Variants in GFRAL observed in about 807,000 individuals in gnomAD.
GFRAL encodes the protein GDNF family receptor alpha like.
GFRAL carries 36 observed loss-of-function variants against 45.4 expected under a neutral mutation model. The observed-to-expected ratio is 0.79, with a 90% CI of 0.61 to 1.05. The LOEUF (loss-of-function observed/expected upper bound fraction) is 1.05. Ranked by LOEUF, GFRAL falls within the 50% of genes least tolerant of loss-of-function variation. The pLI is 0.00. For synonymous variants in GFRAL, 166 were observed against 154.1 expected, an observed-to-expected ratio of 1.08 and a Z score of -0.57; for missense variants, 507 against 467.5, an observed-to-expected ratio of 1.08 and a Z score of -0.78.
intron 3 of GFRAL, among the ~76,000 whole-genome samples, chr6:55,334,193 A>T (rs943081283): frequency 5.9e-5 from 9 of 152,166 alleles, no homozygotes; most frequent in African/African-American, 2.2e-4. Context: ...AGTGCACGAC[A>T]TACTTCTTTC....
chr6:55,374,475 GC>G (rs1276937306), intron 6 of GFRAL, among the ~76,000 whole-genome samples: 1 of 151,886 alleles, frequency 6.6e-6, no homozygotes, highest in Non-Finnish European at 1.5e-5. Context: ...TAATAGTGTT[GC>G]TTGTTTTTTT....
At chr6:55,397,783 G>A (rs1044370043) in intron 6 of GFRAL, among the ~76,000 whole-genome samples, 1 of 152,164 alleles carries the variant, frequency 6.6e-6, no homozygotes, top group African/African-American at 2.4e-5. Flanking sequence ...AGAGATAACT[G>A]AATGGAACAT....
At chr6:55,374,808 T>C (rs1768502021) in intron 6 of GFRAL, among the ~76,000 whole-genome samples, 1 of 152,124 alleles carries the variant, frequency 6.6e-6, no homozygotes. Flanking sequence ...GTATATGGTG[T>C]AAGGAAGGGA....
chr6:55,398,126 T>C (rs1209797615), intron 6 of GFRAL, among the ~76,000 whole-genome samples: 1 of 152,216 alleles, frequency 6.6e-6, no homozygotes, highest in Non-Finnish European at 1.5e-5. Context: ...TTTCAGTGCA[T>C]ATCCCCATCA....
At chr6:55,375,171 T>C (rs1196846384) in intron 6 of GFRAL, among the ~76,000 whole-genome samples, 1 of 152,140 alleles carries the variant, frequency 6.6e-6, no homozygotes, top group African/African-American at 2.4e-5. Context: ...ATGTCAATGG[T>C]AGTTTAATGG....
intron 6 of GFRAL, among the ~76,000 whole-genome samples, chr6:55,391,604 G>A (rs1230599978): frequency 6.6e-6 from 1 of 152,116 alleles, no homozygotes; most frequent in African/African-American, 2.4e-5. Context: ...ATAAAAATTA[G>A]TAGGGCATGG....
In GFRAL at chr6:55,359,513, A is replaced by G. The variant is rs553810357; in HGVS notation, c.952+375A>G. 1.4e-4 allele frequency among the ~76,000 whole-genome samples: 21 copies of G among 152,038 alleles called. No individual in the cohort carries two copies. The South Asian group carries it at 3.9e-3, about 28-fold the overall frequency. On this transcript the variant is annotated intron_variant, in intron 6 of 8. Transcript: ENST00000340465. ...CAATGGCTTAAAACGATAACCATTTATTTGCTCACAATTCTGCACATTGGA... is the reference window on the plus strand; with the variant it reads ...CAATGGCTTAAAACGATAACCATTTGTTTGCTCACAATTCTGCACATTGGA...
At chr6:55,369,104 C>T (rs997210923) in intron 6 of GFRAL, among the ~76,000 whole-genome samples, 10 of 151,354 alleles carry the variant, frequency 6.6e-5, no homozygotes, top group African/African-American at 1.2e-4. Context: ...ACTCCGTGGG[C>T]GTAGGACCCT....
At chr6:55,352,653 A>G (rs1768132922) in intron 5 of GFRAL, among the ~76,000 whole-genome samples, 1 of 152,028 alleles carries the variant, frequency 6.6e-6, no homozygotes, top group African/African-American at 2.4e-5. Flanking sequence ...TCCCTGTTGG[A>G]AAAGTACCGT....
At chr6:55,343,773 A>T (rs942359391) in intron 3 of GFRAL, among the ~76,000 whole-genome samples, 8 of 152,218 alleles carry the variant, frequency 5.3e-5, no homozygotes, top group Admixed American at 3.9e-4. Flanking sequence ...AAATTGACAG[A>T]CTGCTAACAA....
At chr6:55,351,994 T>A (rs1273708296) in intron 5 of GFRAL, among the ~76,000 whole-genome samples, 1 of 152,132 alleles carries the variant, frequency 6.6e-6, no homozygotes, top group Non-Finnish European at 1.5e-5. Context: ...ATAAATTCTT[T>A]CTGTCTTAGG....
intron 2 of GFRAL, among the ~76,000 whole-genome samples, chr6:55,332,149 T>A (rs113694609): frequency 6.6e-6 from 1 of 152,122 alleles, no homozygotes; most frequent in Non-Finnish European, 1.5e-5. Flanking sequence ...ACCATGGCAC[T>A]ATTTTTTTTC....
intron 3 of GFRAL, among the ~76,000 whole-genome samples, chr6:55,339,911 T>C (rs1767939524): frequency 6.6e-6 from 1 of 152,206 alleles, no homozygotes; most frequent in African/African-American, 2.4e-5. Context: ...TCAGTTTACA[T>C]ACTAAAACTA....
intron 5 of GFRAL, among the ~76,000 whole-genome samples, chr6:55,356,643 A>G (rs62419070): frequency 0.11 from 17,119 of 151,812 alleles, 1,057 homozygotes; most frequent in African/African-American, 0.16. Flanking sequence ...TATCTTTCCA[A>G]AAGACCAACT....
chr6:55,371,003 C>A (rs1206540212), intron 6 of GFRAL, among the ~76,000 whole-genome samples: 1 of 152,186 alleles, frequency 6.6e-6, no homozygotes, highest in African/African-American at 2.4e-5. Flanking sequence ...AACACCCCTT[C>A]ACTTCGCCAT....
At chr6:55,369,766 A>G (rs1203476484) in intron 6 of GFRAL, among the ~76,000 whole-genome samples, 5 of 152,194 alleles carry the variant, frequency 3.3e-5, no homozygotes, top group Non-Finnish European at 7.3e-5. Flanking sequence ...TATTTTTATT[A>G]TAAATAATAT....
intron 6 of GFRAL, among the ~76,000 whole-genome samples, chr6:55,388,393 A>G (rs1768706486): frequency 6.6e-6 from 1 of 152,188 alleles, no homozygotes; most frequent in African/African-American, 2.4e-5. Flanking sequence ...GCTGTGCGTC[A>G]CTGGTGTCTG....
chr6:55,394,019 G>T (rs1768790037), intron 6 of GFRAL, among the ~76,000 whole-genome samples: 1 of 152,082 alleles, frequency 6.6e-6, no homozygotes, highest in African/African-American at 2.4e-5. Flanking sequence ...GAAGAATAAA[G>T]ATACCTATTT....
At chr6:55,341,838 G>A (rs1209570757) in intron 3 of GFRAL, among the ~76,000 whole-genome samples, 5 of 152,176 alleles carry the variant, frequency 3.3e-5, no homozygotes, top group African/African-American at 9.7e-5. Flanking sequence ...ATGAGCTGAT[G>A]GAGCTGAAAA....
Sources: gnomAD v4.1 joint callset for allele counts (sites outside exome capture counted in the v4.1 genomes callset) on GRCh38, gnomAD v4.1.1 for gene constraint, MANE v1.5 for transcripts, NCBI Gene and HGNC (gene_info 2026-07-23, HGNC 2026-07-21) for gene names.